PKNOX2: variants seen among roughly 807,000 people sequenced by gnomAD.
PKNOX2 encodes PBX/knotted 1 homeobox 2.
In PKNOX2, 14 loss-of-function variants were observed where a neutral mutation model predicts 53.1. The observed-to-expected ratio is 0.26, with a 90% CI of 0.17 to 0.41. PKNOX2 has a LOEUF of 0.41. Ranked by LOEUF, PKNOX2 falls within the 10% of genes least tolerant of loss-of-function variation. The pLI, the probability that PKNOX2 is intolerant of heterozygous loss-of-function variation, is 1.00. For missense variants in PKNOX2, 496 were observed against 602.8 expected (o/e 0.82, Z 1.85); for synonymous variants, 257 against 242.8 (o/e 1.06, Z -0.54).
At chr11:125,219,021 A>G (rs369948990) in intron 1 of PKNOX2, among the ~76,000 whole-genome samples, 1 of 152,164 alleles carries the variant, frequency 6.6e-6, no homozygotes, top group Admixed American at 6.5e-5. Flanking sequence ...CTGGCAATCA[A>G]AAAGGGTAAA....
chr11:125,364,555 C>G (rs1004054013), intron 4 of PKNOX2, among the ~76,000 whole-genome samples: 11 of 152,266 alleles, frequency 7.2e-5, no homozygotes, highest in Admixed American at 7.2e-4. Context: ...TTGTGGATTC[C>G]TTCAAGGACA....
chr11:125,253,804 C>T (rs1944190179), intron 2 of PKNOX2, among the ~76,000 whole-genome samples: 1 of 152,036 alleles, frequency 6.6e-6, no homozygotes, highest in Non-Finnish European at 1.5e-5. Context: ...CAAAGAGGAC[C>T]CCCTGGTTCC....
chr11:125,389,710 C>T (rs988272030), intron 6 of PKNOX2, among the ~76,000 whole-genome samples: 11 of 152,216 alleles, frequency 7.2e-5, no homozygotes, highest in South Asian at 2.1e-4. Flanking sequence ...TACGGGCCCC[C>T]GGTGCAGGGC....
intron 2 of PKNOX2, among the ~76,000 whole-genome samples, chr11:125,254,546 A>T (rs1044491817): frequency 6.6e-6 from 1 of 152,230 alleles, no homozygotes; most frequent in Non-Finnish European, 1.5e-5. Context: ...TTTCACATCT[A>T]TACAATGAAG....
intron 1 of PKNOX2, among the ~76,000 whole-genome samples, chr11:125,179,500 C>T (rs1458490634): frequency 6.8e-6 from 1 of 146,080 alleles, no homozygotes; most frequent in Non-Finnish European, 1.5e-5. Flanking sequence ...GCAGGGGGAG[C>T]ATAGAGTTGA....
intron 1 of PKNOX2, among the ~76,000 whole-genome samples, chr11:125,181,823 G>A (rs552126387): frequency 1.3e-5 from 2 of 152,354 alleles, no homozygotes; most frequent in East Asian, 1.9e-4. Context: ...GTAACCCCAT[G>A]CTATGGGGGT....
intron 5 of PKNOX2, among the ~76,000 whole-genome samples, chr11:125,373,591 T>A (rs1952669359): frequency 6.6e-6 from 1 of 152,164 alleles, no homozygotes. Context: ...CGCTGTTGGA[T>A]GTATTGGTGT....
At chr11:125,409,573 T>C (rs998099253) in intron 7 of PKNOX2, among the ~76,000 whole-genome samples, 1 of 152,104 alleles carries the variant, frequency 6.6e-6, no homozygotes, top group Admixed American at 6.5e-5. Context: ...CTGAGCTAGG[T>C]GCTAAGGATA....
At chr11:125,219,096 C>T (rs188730296) in intron 1 of PKNOX2, among the ~76,000 whole-genome samples, 370 of 152,232 alleles carry the variant, frequency 2.4e-3, no homozygotes, top group Middle Eastern at 6.8e-3. Context: ...TGTTGGCTCT[C>T]AACCTGTTGG....
At chr11:125,186,035 A>G (rs937952439) in intron 1 of PKNOX2, among the ~76,000 whole-genome samples, 1 of 141,772 alleles carries the variant, frequency 7.1e-6, no homozygotes, top group Admixed American at 7.0e-5. Context: ...GCTGACCAAC[A>G]TTTGTTATTC....
At chr11:125,413,266 G>T (rs898033618) in intron 10 of PKNOX2, among the ~76,000 whole-genome samples, 1 of 152,238 alleles carries the variant, frequency 6.6e-6, no homozygotes, top group Non-Finnish European at 1.5e-5. Flanking sequence ...AGGTGATGAG[G>T]CCAGAGGCCC....
chr11:125,247,890 G>A (rs1943681041), intron 2 of PKNOX2, among the ~76,000 whole-genome samples: 1 of 152,044 alleles, frequency 6.6e-6, no homozygotes, highest in African/African-American at 2.4e-5. Flanking sequence ...CCACATGGCC[G>A]AATTCTTCCC....
intron 6 of PKNOX2, 62 bp downstream of exon 6, chr11:125,385,784 T>A (rs1953586006): frequency 6.4e-7 from 1 of 1,553,778 alleles, no homozygotes; most frequent in African/African-American, 1.4e-5. Context: ...CCCTTCAAAA[T>A]GCCCTAGAAA....
rs144797992 is a variant in PKNOX2 at position 125,327,433 on chromosome 11, G to T, written c.-129-4386G>T. 1.1e-4 allele frequency among the ~76,000 whole-genome samples: 17 copies of T among 152,308 alleles called. No homozygotes were observed. The East Asian group carries it at 3.3e-3, about 29-fold the overall frequency. On this transcript the variant is annotated intron_variant, in intron 2 of 12. Coordinates refer to ENST00000298282, the MANE Select transcript of PKNOX2 (RefSeq NM_001382323.2). ...ACCATCCGGGTCATTGGGTCACACA[G>T]CCCCGTGTCTTCCCATCCTTCCATT...
At chr11:125,366,749 C>T (rs1458544922) in intron 4 of PKNOX2, among the ~76,000 whole-genome samples, 1 of 152,172 alleles carries the variant, frequency 6.6e-6, no homozygotes, top group Non-Finnish European at 1.5e-5. Flanking sequence ...ACTTTTTCTT[C>T]CAGAAAGCAG....
At chr11:125,381,038 C>T (rs1036150257) in intron 5 of PKNOX2, among the ~76,000 whole-genome samples, 4 of 152,186 alleles carry the variant, frequency 2.6e-5, no homozygotes, top group Non-Finnish European at 4.4e-5. Flanking sequence ...ACAAAACCCA[C>T]GGAGTCGCTG....
intron 2 of PKNOX2, among the ~76,000 whole-genome samples, chr11:125,251,057 C>T (rs1033755359): frequency 6.6e-6 from 1 of 152,228 alleles, no homozygotes; most frequent in Non-Finnish European, 1.5e-5. Flanking sequence ...CCCTCCACCC[C>T]CTGGCAGCTT....
chr11:125,380,055 T>C (rs1306651548), intron 5 of PKNOX2, among the ~76,000 whole-genome samples: 1 of 152,040 alleles, frequency 6.6e-6, no homozygotes, highest in Non-Finnish European at 1.5e-5. Flanking sequence ...AATAAAATGT[T>C]ATTCGCGATC....
At chr11:125,320,974 T>C (rs1445945891) in intron 2 of PKNOX2, among the ~76,000 whole-genome samples, 1 of 152,188 alleles carries the variant, frequency 6.6e-6, no homozygotes, top group Non-Finnish European at 1.5e-5. Flanking sequence ...TTGGATGATA[T>C]ATTGTGGGGT....
Sources: allele counts gnomAD v4.1 joint callset (sites outside exome capture counted in the v4.1 genomes callset), GRCh38; gene constraint gnomAD v4.1.1; transcripts MANE v1.5; gene names NCBI Gene and HGNC (gene_info 2026-07-23, HGNC 2026-07-21).